Variants in PTTG1IP2 observed in about 807,000 individuals in gnomAD.
PTTG1IP2 encodes the protein PTTG1IP family member 2.
chr7:90,478,114 A>AAT, intron 1 of PTTG1IP2, among the ~76,000 whole-genome samples: 1 of 151,064 alleles, frequency 6.6e-6, no homozygotes, highest in African/African-American at 2.4e-5. Context: ...AAAAAAAAAA[A>AAT]AAGAAAAAGA....
At chr7:90,481,847 G>A (rs1328636299) in intron 2 of PTTG1IP2, among the ~76,000 whole-genome samples, 1 of 151,878 alleles carries the variant, frequency 6.6e-6, no homozygotes, top group Non-Finnish European at 1.5e-5. Context: ...TCCCACACAT[G>A]GCAAGCATTC....
chr7:90,469,768 T>C lies in PTTG1IP2; in HGVS notation c.-19T>C, dbSNP rs1584688658. On this transcript the variant is annotated 5_prime_UTR_variant, in exon 1 of 7. Transcript: ENST00000509356. ...CCTGCCAGGTTCCCAGTGGCTGGGG[T>C]CACCAGGTCTGAAGAGAGATGTGCT... 6.5e-6 allele frequency: 1 copy of C among 152,698 alleles called. No individual in the cohort carries two copies. The highest frequency in any genetic ancestry group is 2.4e-5 in the African/African-American group (1 of 41,412). 9.5% of individuals were successfully genotyped at this position (152,698 alleles called of 1,614,324 possible). A position where few individuals can be genotyped will look rare whatever the true frequency, so the allele number is the denominator to read the frequency against.
At chr7:90,472,164 C>A (rs1205178013) in intron 1 of PTTG1IP2, among the ~76,000 whole-genome samples, 1 of 151,822 alleles carries the variant, frequency 6.6e-6, no homozygotes, top group African/African-American at 2.4e-5. Context: ...TATATCAGAA[C>A]AAATGGAAGG....
chr7:90,471,104 A>G (rs1409444677), intron 1 of PTTG1IP2, among the ~76,000 whole-genome samples: 3 of 152,344 alleles, frequency 2.0e-5, no homozygotes, highest in African/African-American at 7.2e-5. Context: ...CATGTTTCTA[A>G]GGAAACACCT....
intron 5 of PTTG1IP2, among the ~76,000 whole-genome samples, chr7:90,493,496 T>C (rs1201223699): frequency 6.6e-6 from 1 of 152,242 alleles, no homozygotes; most frequent in Non-Finnish European, 1.5e-5. Context: ...CCATCCATTT[T>C]AAATTCGACA....
intron 2 of PTTG1IP2, among the ~76,000 whole-genome samples, chr7:90,483,058 G>T (rs1797831428): frequency 6.6e-6 from 1 of 152,094 alleles, no homozygotes; most frequent in African/African-American, 2.4e-5. Flanking sequence ...GTGTGTGTGT[G>T]GTAGGGCATG....
At chr7:90,497,562 TCAA>T (rs1798009340) in intron 6 of PTTG1IP2, among the ~76,000 whole-genome samples, 1 of 60,484 alleles carries the variant, frequency 1.7e-5, no homozygotes, top group African/African-American at 8.0e-5. Context: ...AGAATCCGTC[TCAA>T]AAAAAAAAAA....
intron 3 of PTTG1IP2, 93 bp downstream of exon 3, chr7:90,487,513 A>G (rs1797888623): frequency 6.5e-6 from 1 of 152,678 alleles, no homozygotes; most frequent in Non-Finnish European, 1.5e-5. Flanking sequence ...ATAAATTATT[A>G]CATTTGCCTT....
At chr7:90,498,936 C>G (rs1195801073) in intron 6 of PTTG1IP2, among the ~76,000 whole-genome samples, 3 of 152,136 alleles carry the variant, frequency 2.0e-5, no homozygotes, top group Non-Finnish European at 4.4e-5. Context: ...ACTGCAGCCT[C>G]CACCTCCTGG....
At chr7:90,499,602 G>C (rs1798038341) in intron 6 of PTTG1IP2, among the ~76,000 whole-genome samples, 1 of 151,638 alleles carries the variant, frequency 6.6e-6, no homozygotes, top group African/African-American at 2.4e-5. Flanking sequence ...TTATTTTTTT[G>C]AGACAGAGTC....
intron 2 of PTTG1IP2, among the ~76,000 whole-genome samples, chr7:90,486,128 G>T (rs553530136): frequency 1.6e-4 from 25 of 152,252 alleles, no homozygotes; most frequent in African/African-American, 5.8e-4. Context: ...TCTTTACATT[G>T]GAGTGAATCA....
At chr7:90,505,762 A>AC (rs1798116227) in intron 6 of PTTG1IP2, among the ~76,000 whole-genome samples, 1 of 152,068 alleles carries the variant, frequency 6.6e-6, no homozygotes, top group Admixed American at 6.6e-5. Flanking sequence ...AGGCGGGTGG[A>AC]TCATGAGGTC....
rs116620703 is a variant in PTTG1IP2, at chr7:90,474,883, A to G, written c.146-4345A>G. On this transcript the variant is annotated intron_variant, in intron 1 of 6. Coordinates refer to ENST00000509356, the MANE Select transcript of PTTG1IP2 (RefSeq NM_001365443.2). The stretch of plus-strand genomic sequence containing the variant: ...GAGGGGAAAAACACCTCAAAATTAG[A>G]AATTTCTCTTATAGAAAATGGCAAG... 2.6e-3 allele frequency among the ~76,000 whole-genome samples: 397 copies of G among 152,348 alleles called. 2 individuals carry two copies. The highest frequency in any genetic ancestry group is 9.3e-3 in the African/African-American group (387 of 41,586).
intron 6 of PTTG1IP2, among the ~76,000 whole-genome samples, chr7:90,502,843 G>T (rs1798074777): frequency 6.6e-6 from 1 of 152,168 alleles, no homozygotes; most frequent in South Asian, 2.1e-4. Context: ...AGTGTCCTTA[G>T]ATTTTTGGAA....
chr7:90,478,047 AG>A (rs1797770323), intron 1 of PTTG1IP2, among the ~76,000 whole-genome samples: 1 of 145,434 alleles, frequency 6.9e-6, no homozygotes, highest in African/African-American at 2.5e-5. Flanking sequence ...TAGTGAGCCG[AG>A]ATCGTGCCAC....
intron 2 of PTTG1IP2, among the ~76,000 whole-genome samples, chr7:90,482,505 A>ACC (rs11307924): frequency 3.5e-4 from 51 of 147,724 alleles, no homozygotes; most frequent in Admixed American, 6.8e-4. Context: ...CACATTTACA[A>ACC]CCCCCCCCCC....
intron 1 of PTTG1IP2, among the ~76,000 whole-genome samples, chr7:90,471,272 G>A (rs1372588194): frequency 3.9e-5 from 6 of 152,130 alleles, no homozygotes; most frequent in Non-Finnish European, 8.8e-5. Flanking sequence ...AAGCCTTCAC[G>A]AGATCCTCAT....
chr7:90,473,838 C>A (rs534481649), intron 1 of PTTG1IP2, among the ~76,000 whole-genome samples: 2 of 152,272 alleles, frequency 1.3e-5, no homozygotes, highest in East Asian at 3.9e-4. Context: ...GCTTACTAGG[C>A]CCATGCTTTC....
intron 6 of PTTG1IP2, among the ~76,000 whole-genome samples, chr7:90,498,379 T>C (rs1798021983): frequency 6.6e-6 from 1 of 152,306 alleles, no homozygotes; most frequent in South Asian, 2.1e-4. Context: ...AGGGGCTGAA[T>C]GGATTAAAAA....
Sources: gnomAD v4.1 joint callset for allele counts (sites outside exome capture counted in the v4.1 genomes callset) on GRCh38, gnomAD v4.1.1 for gene constraint, MANE v1.5 for transcripts, NCBI Gene and HGNC (gene_info 2026-07-23, HGNC 2026-07-21) for gene names.